Variants in RFX3 observed in about 807,000 individuals in gnomAD.
RFX3 encodes the protein transcription factor RFX3.
RFX3 carries 14 observed loss-of-function variants against 98.6 expected under a neutral mutation model. The ratio of observed to expected loss-of-function variants is 0.14; its 90% CI spans 0.09 to 0.22. The LOEUF is 0.22. Among genes scored for constraint, RFX3 ranks in the 10% least tolerant of loss-of-function variants. The pLI, the probability that RFX3 is intolerant of heterozygous loss-of-function variation, is 1.00. For missense variants in RFX3, 639 were observed against 926.9 expected (o/e 0.69, Z 4.03); for synonymous variants, 383 against 328.4 (o/e 1.17, Z -1.80).
intron 1 of RFX3, among the ~76,000 whole-genome samples, chr9:3,469,722 A>C (rs181663755): frequency 6.6e-6 from 1 of 152,084 alleles, no homozygotes; most frequent in African/African-American, 2.4e-5. Flanking sequence ...AAAATCAACA[A>C]TGAAAGAAAA....
chr9:3,490,246 T>A, intron 1 of RFX3: 1 of 765,630 alleles, frequency 1.3e-6, no homozygotes, highest in Non-Finnish European at 1.6e-6. Context: ...TACACACAGT[T>A]CATTATTTAT....
intron 2 of RFX3, among the ~76,000 whole-genome samples, chr9:3,380,813 T>G (rs1386546394): frequency 1.3e-5 from 2 of 152,194 alleles, no homozygotes; most frequent in Non-Finnish European, 2.9e-5. Context: ...CACAATTAGT[T>G]AAGAACCATC....
At chr9:3,414,120 A>C (rs1194942091) in intron 1 of RFX3, among the ~76,000 whole-genome samples, 1 of 152,136 alleles carries the variant, frequency 6.6e-6, no homozygotes, top group Non-Finnish European at 1.5e-5. Flanking sequence ...GAAATGGGAC[A>C]CTGAGTTCCA....
At chr9:3,271,190 G>C in intron 9 of RFX3, 72 bp from the exon 10 acceptor site, 3 of 1,322,286 alleles carry the variant, frequency 2.3e-6, no homozygotes. Flanking sequence ...AGTCTAACAT[G>C]ACAAGATTTT....
At chr9:3,470,349 C>G (rs1282869456) in intron 1 of RFX3, among the ~76,000 whole-genome samples, 2 of 148,552 alleles carry the variant, frequency 1.3e-5, no homozygotes, top group Admixed American at 6.7e-5. Context: ...GAGTCTCACT[C>G]TGTCGCCCAG....
chr9:3,320,648 G>A (rs956943448), intron 4 of RFX3, among the ~76,000 whole-genome samples: 6 of 131,620 alleles, frequency 4.6e-5, no homozygotes, highest in African/African-American at 2.4e-4. Context: ...ACACTACTCT[G>A]CTTTTTCGCT....
chr9:3,260,818 G>A (rs747908714), intron 13 of RFX3, among the ~76,000 whole-genome samples: 1 of 149,902 alleles, frequency 6.7e-6, no homozygotes, highest in Non-Finnish European at 1.5e-5. Context: ...ATGGATAGAT[G>A]ATATTTTTTA....
At chr9:3,453,709 T>TC (rs1416282580) in intron 1 of RFX3, 1 of 89,524 alleles carries the variant, frequency 1.1e-5, no homozygotes, top group South Asian at 3.7e-4. Flanking sequence ...GACTCTTTTT[T>TC]CAAAAAAAAA....
At chr9:3,324,206 C>T (rs2274487) in intron 4 of RFX3, 51,862 of 215,468 alleles carry the variant, frequency 0.24, 8,585 homozygotes, top group African/African-American at 0.52. Context: ...TTGAGGCTAA[C>T]TGTAAAACTT....
At chr9:3,477,341 C>G (rs79682926) in intron 1 of RFX3, among the ~76,000 whole-genome samples, 1,785 of 152,260 alleles carry the variant, frequency 0.012, 28 homozygotes, top group African/African-American at 0.031. Flanking sequence ...CCTTTCATTT[C>G]AACCTGAAAG....
intron 7 of RFX3, among the ~76,000 whole-genome samples, chr9:3,278,805 T>C (rs1037379292): frequency 1.3e-5 from 2 of 151,770 alleles, no homozygotes. Flanking sequence ...CAAACAACTA[T>C]GAAAAACAAA....
At chr9:3,295,071 T>A (rs1381144213) in intron 5 of RFX3, among the ~76,000 whole-genome samples, 1 of 152,130 alleles carries the variant, frequency 6.6e-6, no homozygotes, top group African/African-American at 2.4e-5. Context: ...GATTTCTGAG[T>A]ATTCTAAGTG....
intron 14 of RFX3, among the ~76,000 whole-genome samples, chr9:3,253,718 A>T (rs1312936339): frequency 6.6e-6 from 1 of 152,174 alleles, no homozygotes; most frequent in African/African-American, 2.4e-5. Context: ...ATATACAAAA[A>T]ATTTTAGAAA....
At chr9:3,410,171 G>GTGTGTC (rs1842337025) in intron 1 of RFX3, among the ~76,000 whole-genome samples, 1 of 148,764 alleles carries the variant, frequency 6.7e-6, no homozygotes, top group Non-Finnish European at 1.5e-5. Context: ...CTGTGTGTGT[G>GTGTGTC]TGTGTGTGTG....
At chr9:3,412,017 T>C (rs146003520) in intron 1 of RFX3, among the ~76,000 whole-genome samples, 1 of 152,276 alleles carries the variant, frequency 6.6e-6, no homozygotes, top group East Asian at 1.9e-4. Flanking sequence ...ATTTTAAACA[T>C]TATGGGCATC....
At chr9:3,374,905 C>T (rs1838281413) in intron 2 of RFX3, among the ~76,000 whole-genome samples, 1 of 151,562 alleles carries the variant, frequency 6.6e-6, no homozygotes, top group African/African-American at 2.4e-5. Context: ...TTTAAGACTT[C>T]TTCCAGCTCC....
rs1817266837 is a variant in RFX3, at chr9:3,220,212, T to G, written c.*4830A>C. 1 of 152,158 alleles carries G rather than the reference T, an allele frequency of 6.6e-6. No individual in the cohort carries two copies. 9.4% of individuals were successfully genotyped at this position (152,158 alleles called of 1,614,324 possible). A position where few individuals can be genotyped will look rare whatever the true frequency, so the allele number is the denominator to read the frequency against. The stretch of plus-strand genomic sequence containing the variant: ...ATTTTATGAGCGATCTAACTCCAAA[T>G]AGCCTAACTGCCCCCAAAGAGTTCA... On this transcript the variant is annotated 3_prime_UTR_variant, in exon 17 of 17. Transcript: ENST00000617270.
chr9:3,252,947 G>A lies in RFX3; in HGVS notation c.1814+4044C>T, dbSNP rs367947504. Among the ~76,000 whole-genome samples, 8 of 152,192 alleles carry A rather than the reference G, an allele frequency of 5.3e-5. No homozygotes were observed. The East Asian group carries it at 1.2e-3, about 22-fold the overall frequency. On this transcript the variant is annotated intron_variant, in intron 14 of 16. Coordinates refer to ENST00000617270, the MANE Select transcript of RFX3 (RefSeq NM_001282116.2). ...TGTCTACTTTATTCTCTCTGTGTCAGGCCTCCGCTTTACATGCCAAGTATT... is the reference window on the plus strand; with the variant it reads ...TGTCTACTTTATTCTCTCTGTGTCAAGCCTCCGCTTTACATGCCAAGTATT...
At chr9:3,340,945 A>T (rs148198407) in intron 3 of RFX3, among the ~76,000 whole-genome samples, 81 of 152,344 alleles carry the variant, frequency 5.3e-4, no homozygotes, top group African/African-American at 1.9e-3. Context: ...CTATAAAGAC[A>T]CATGCACACA....
Sources: allele counts gnomAD v4.1 joint callset (sites outside exome capture counted in the v4.1 genomes callset), GRCh38; gene constraint gnomAD v4.1.1; transcripts MANE v1.5; gene names NCBI Gene and HGNC (gene_info 2026-07-23, HGNC 2026-07-21).